The following OMA1 variants were observed in gnomAD, a reference collection of about 807,000 sequenced individuals.
The protein encoded by OMA1 is metalloendopeptidase OMA1, mitochondrial.
Under a neutral mutation model 30.9 loss-of-function variants are expected in OMA1, and 38 were observed. That is an observed-to-expected ratio of 1.23 (90% confidence interval 0.95 to 1.61). The LOEUF (loss-of-function observed/expected upper bound fraction) is 1.61, where lower values mean the gene tolerates loss of function less well. OMA1 is among the 40% of genes most tolerant of loss of function. The pLI, the probability that OMA1 is intolerant of heterozygous loss-of-function variation, is 0.00. For missense variants in OMA1, 461 were observed against 349.2 expected, an observed-to-expected ratio of 1.32 and a Z score of -2.55; for synonymous variants, 173 against 121.9, an observed-to-expected ratio of 1.42 and a Z score of -2.76.
intron 7 of OMA1, among the ~76,000 whole-genome samples, chr1:58,511,286 A>T (rs943293374): frequency 2.0e-5 from 3 of 152,158 alleles, no homozygotes; most frequent in Admixed American, 2.0e-4. Context: ...CGTTAAATGA[A>T]TGGAACAGAA....
intron 1 of OMA1, among the ~76,000 whole-genome samples, chr1:58,546,132 G>T (rs1646700246): frequency 6.6e-6 from 1 of 152,220 alleles, no homozygotes. Flanking sequence ...ACGAGTTTAC[G>T]AGGAAATTGT....
chr1:58,529,727 T>C (rs538191572), intron 6 of OMA1, among the ~76,000 whole-genome samples: 46 of 152,232 alleles, frequency 3.0e-4, no homozygotes, highest in African/African-American at 1.0e-3. Context: ...AGAAAATATC[T>C]ACGAAAAAAC....
intron 8 of OMA1, among the ~76,000 whole-genome samples, chr1:58,483,479 A>G (rs1645523942): frequency 6.6e-6 from 1 of 152,206 alleles, no homozygotes; most frequent in African/African-American, 2.4e-5. Context: ...TTACCAAGGT[A>G]AGCTGGAGAG....
chr1:58,495,773 T>C (rs536780030), intron 8 of OMA1, among the ~76,000 whole-genome samples: 203 of 152,300 alleles, frequency 1.3e-3, no homozygotes, highest in Non-Finnish European at 2.1e-3. Flanking sequence ...TTGTTTTGTT[T>C]CTTTCCTCCA....
chr1:58,538,655 G>T, intron 2 of OMA1, 140 bp downstream of exon 2: 2 of 493,984 alleles, frequency 4.0e-6, no homozygotes, highest in Non-Finnish European at 7.1e-6. Flanking sequence ...TAAATGGGGG[G>T]AGACAGGGGA....
intron 8 of OMA1, among the ~76,000 whole-genome samples, chr1:58,485,541 TATCAAATCTTC>T (rs1374482282): frequency 6.6e-6 from 1 of 152,168 alleles, no homozygotes; most frequent in African/African-American, 2.4e-5. Flanking sequence ...TACATATTTC[TATCAAATCTTC>T]ATCTACTTTG....
chr1:58,510,318 G>A (rs1245169039), intron 7 of OMA1, among the ~76,000 whole-genome samples: 2 of 151,924 alleles, frequency 1.3e-5, no homozygotes, highest in Admixed American at 1.3e-4. Context: ...AATCAAGAAT[G>A]GTTCAACACA....
In OMA1 at chr1:58,538,851, A is replaced by T. The variant is rs1361665682; in HGVS notation, c.444T>A (p.Pro148=). The change falls in exon 2 of 9, where the codon CCT becomes CCA. Residue 148 remains proline (P), a synonymous_variant. Transcript: ENST00000371226. ...TSPRFQAAPV[P]LLLMILKPVQ... ...CTGGTTTAAGAATCATCAACAAGAG[A>T]GGAACCGGAGCAGCTTGAAACCGTG... The T allele has an allele frequency of 2.3e-6, 2 of 869,938 alleles. No individual in the cohort carries two copies. Among genetic ancestry groups the T allele is most frequent in the Non-Finnish European group, 4.0e-6 (2 of 500,874 alleles). 53.9% of individuals were successfully genotyped at this position (869,938 alleles called of 1,614,324 possible). A position where few individuals can be genotyped will look rare whatever the true frequency, so the allele number is the denominator to read the frequency against.
chr1:58,493,168 C>T (rs1221439012), intron 8 of OMA1, among the ~76,000 whole-genome samples: 3 of 152,170 alleles, frequency 2.0e-5, no homozygotes, highest in Non-Finnish European at 4.4e-5. Flanking sequence ...AGAAAAACCA[C>T]ATGATTATCT....
intron 7 of OMA1, among the ~76,000 whole-genome samples, chr1:58,510,960 T>G (rs911271146): frequency 6.6e-6 from 1 of 151,890 alleles, no homozygotes; most frequent in Admixed American, 6.6e-5. Flanking sequence ...AAAAAACTGA[T>G]GAAAGAAATT....
At chr1:58,544,663 C>A (rs939873919) in intron 1 of OMA1, among the ~76,000 whole-genome samples, 2 of 152,150 alleles carry the variant, frequency 1.3e-5, no homozygotes, top group Admixed American at 6.5e-5. Flanking sequence ...GGTGCCACCT[C>A]GGCTCACTGC....
intron 8 of OMA1, among the ~76,000 whole-genome samples, chr1:58,486,185 G>A (rs1406255872): frequency 2.0e-5 from 3 of 152,166 alleles, no homozygotes; most frequent in Non-Finnish European, 4.4e-5. Flanking sequence ...AAGAGAGGGG[G>A]ACAAGGCAAA....
intron 6 of OMA1, among the ~76,000 whole-genome samples, chr1:58,528,135 TTCAA>T (rs1463573787): frequency 1.3e-5 from 2 of 152,248 alleles, no homozygotes; most frequent in East Asian, 1.9e-4. Context: ...TTCCTTCCTT[TTCAA>T]TCAGTCTGTT....
chr1:58,499,112 T>C (rs1376402670), intron 8 of OMA1, among the ~76,000 whole-genome samples: 1 of 152,054 alleles, frequency 6.6e-6, no homozygotes, highest in Non-Finnish European at 1.5e-5. Context: ...GACATTATGC[T>C]AAGTGAAATA....
chr1:58,480,869 T>C lies in OMA1; in HGVS notation c.*96A>G, dbSNP rs1645468132. The C allele has an allele frequency of 1.5e-6, 1 of 673,468 alleles. No homozygotes were observed. Among genetic ancestry groups the C allele is most frequent in the African/African-American group, 1.8e-5 (1 of 55,822 alleles). 41.7% of individuals were successfully genotyped at this position (673,468 alleles called of 1,614,324 possible). A position where few individuals can be genotyped will look rare whatever the true frequency, so the allele number is the denominator to read the frequency against. Reference sequence around the variant, plus strand: ...TACATGATTTGACCCTGAATATCCTTTTTTTTTTCACTTCAAACATCATTT... The same window carrying C: ...TACATGATTTGACCCTGAATATCCTCTTTTTTTTCACTTCAAACATCATTT... On this transcript the variant is annotated 3_prime_UTR_variant, in exon 9 of 9. Coordinates refer to ENST00000371226, the MANE Select transcript of OMA1 (RefSeq NM_145243.5).
At chr1:58,528,335 C>T (rs771392737) in intron 6 of OMA1, among the ~76,000 whole-genome samples, 1 of 152,124 alleles carries the variant, frequency 6.6e-6, no homozygotes, top group Non-Finnish European at 1.5e-5. Context: ...CCCTGCTAAA[C>T]CCAGTAGTAT....
chr1:58,496,169 C>CTTTTTTTTTTTTTTTTTTTTTTTTTTTT (rs375006213), intron 8 of OMA1, among the ~76,000 whole-genome samples: 2 of 144,972 alleles, frequency 1.4e-5, no homozygotes, highest in East Asian at 4.3e-4. Context: ...TTTTTTTAGA[C>CTTTTTTTTTTTTTTTTTTTTTTTTTTTT]TTTTTTTTTT....
chr1:58,509,523 T>C (rs1384276830), intron 7 of OMA1, among the ~76,000 whole-genome samples: 6 of 124,086 alleles, frequency 4.8e-5, no homozygotes, highest in Non-Finnish European at 3.4e-5. Flanking sequence ...TTTATAATGA[T>C]AAACACCTAC....
At chr1:58,515,144 T>C (rs546630543) in intron 7 of OMA1, among the ~76,000 whole-genome samples, 1 of 152,346 alleles carries the variant, frequency 6.6e-6, no homozygotes, top group African/African-American at 2.4e-5. Flanking sequence ...AAGCTCATTT[T>C]ATTTTGTAAC....
Sources: allele counts gnomAD v4.1 joint callset (sites outside exome capture counted in the v4.1 genomes callset), GRCh38; gene constraint gnomAD v4.1.1; transcripts MANE v1.5; gene names NCBI Gene and HGNC (gene_info 2026-07-23, HGNC 2026-07-21).